The following ARHGAP6 variants were observed in gnomAD, a reference collection of about 807,000 sequenced individuals.
ARHGAP6 encodes the protein Rho GTPase activating protein 6.
A neutral mutation model predicts 55.7 loss-of-function variants in ARHGAP6; 16 were observed. The observed-to-expected ratio is 0.29, with a 90% CI of 0.19 to 0.44. The LOEUF (loss-of-function observed/expected upper bound fraction) is 0.44. Ranked by LOEUF, ARHGAP6 falls within the 20% of genes least tolerant of loss-of-function variation. The pLI is 1.00. For synonymous variants in ARHGAP6, 382 were observed against 360.9 expected (o/e 1.06, Z -0.66); for missense variants, 698 against 808.9 (o/e 0.86, Z 1.66).
Position 11,430,988 on chromosome X carries a change from G to A in ARHGAP6, c.589-176281C>T, listed in dbSNP as rs747047731. On this transcript the variant is annotated intron_variant, in intron 1 of 12. Coordinates refer to ENST00000337414, the MANE Select transcript of ARHGAP6 (RefSeq NM_013427.3). ...GGTATTGTTCTAGGTCAACTAAACT[G>A]TATATTGACATGGCATGTGGTTTTA... 1.1e-4 allele frequency among the ~76,000 whole-genome samples: 12 copies of A among 111,995 alleles called. No individual in the cohort carries two copies. In the South Asian group the frequency reaches 2.2e-3, roughly 21 times the overall value.
chrX:11,236,511 A>G lies in ARHGAP6; in HGVS notation c.748+18037T>C, dbSNP rs758980752. ...TGCCTATTTCAGGGATGTGACAGTA[A>G]GAGCCAGATACATGAACTGGCATGC... On this transcript the variant is annotated intron_variant, in intron 2 of 12. Coordinates refer to ENST00000337414, the MANE Select transcript of ARHGAP6 (RefSeq NM_013427.3). Among the ~76,000 whole-genome samples the G allele has an allele frequency of 1.4e-4, 16 of 111,933 alleles. No individual in the cohort carries two copies. In the South Asian group the frequency reaches 5.7e-3, roughly 40 times the overall value.
intron 2 of ARHGAP6, among the ~76,000 whole-genome samples, chrX:11,216,811 C>T (rs1044559609): frequency 2.7e-5 from 3 of 111,029 alleles, no homozygotes; most frequent in African/African-American, 9.9e-5. Flanking sequence ...TGGTTTGCTG[C>T]ACCCATCAAC....
At chrX:11,377,423 C>T (rs1400889314) in intron 1 of ARHGAP6, among the ~76,000 whole-genome samples, 1 of 111,742 alleles carries the variant, frequency 8.9e-6, no homozygotes, top group African/African-American at 3.3e-5. Flanking sequence ...TAGGGTGTGA[C>T]TGCTAATGGG....
At chrX:11,296,019 C>CT (rs1603033202) in intron 1 of ARHGAP6, among the ~76,000 whole-genome samples, 1 of 111,578 alleles carries the variant, frequency 9.0e-6, no homozygotes, top group Admixed American at 9.5e-5. Flanking sequence ...TTCAGGTGGC[C>CT]TTTTATTTTT....
chrX:11,573,061 G>A (rs1478996017), intron 1 of ARHGAP6, among the ~76,000 whole-genome samples: 1 of 111,570 alleles, frequency 9.0e-6, no homozygotes, highest in Non-Finnish European at 1.9e-5. Context: ...ATTTGTTTGA[G>A]TTCATTGTAG....
intron 12 of ARHGAP6, among the ~76,000 whole-genome samples, chrX:11,141,754 C>A (rs188155993): frequency 8.9e-6 from 1 of 112,259 alleles, no homozygotes; most frequent in African/African-American, 3.2e-5. Flanking sequence ...ATATTTGACG[C>A]ACTTCCCTGT....
At chrX:11,252,240 A>G (rs2047433306) in intron 2 of ARHGAP6, among the ~76,000 whole-genome samples, 1 of 112,942 alleles carries the variant, frequency 8.9e-6, no homozygotes, top group Admixed American at 9.3e-5. Context: ...GTTCCCTGAT[A>G]TCTTATCTGA....
chrX:11,450,203 A>AGTGTGTGTGT lies in ARHGAP6; in HGVS notation c.589-195506_589-195497dup, dbSNP rs34050296. 8.8e-3 allele frequency among the ~76,000 whole-genome samples: 795 copies of AGTGTGTGTGT among 90,165 alleles called. 22 individuals carry two copies. The highest frequency in any genetic ancestry group is 0.03 in the African/African-American group (736 of 24,666). 78.3% of individuals were successfully genotyped at this position (90,165 alleles called of 115,157 possible). On this transcript the variant is annotated intron_variant, in intron 1 of 12. Transcript: ENST00000337414. ...AATCCCCTTTGTAGAACAAATAATA[A>AGTGTGTGTGT]GTGTGTGTGTGTGTGTGTGTGTGTG... is the stretch of plus-strand genomic sequence containing the variant.
At chrX:11,395,658 C>T (rs181683322) in intron 1 of ARHGAP6, among the ~76,000 whole-genome samples, 2 of 111,957 alleles carry the variant, frequency 1.8e-5, no homozygotes, top group Admixed American at 1.9e-4. Flanking sequence ...AAGACAGGCC[C>T]GGGGCACAGG....
chrX:11,589,396 T>C (rs769051909), intron 1 of ARHGAP6, among the ~76,000 whole-genome samples: 1 of 107,212 alleles, frequency 9.3e-6, no homozygotes, highest in African/African-American at 3.4e-5. Flanking sequence ...TGAAGAACTT[T>C]TATAAATCAA....
chrX:11,442,557 G>A (rs1188512879), intron 1 of ARHGAP6, among the ~76,000 whole-genome samples: 1 of 111,569 alleles, frequency 9.0e-6, no homozygotes, highest in East Asian at 2.8e-4. Context: ...CAGAAACGGG[G>A]GAAAAAATCC....
chrX:11,623,690 C>T (rs2052258453), intron 1 of ARHGAP6, among the ~76,000 whole-genome samples: 2 of 72,731 alleles, frequency 2.7e-5, no homozygotes, highest in South Asian at 7.8e-4. Flanking sequence ...GAGTGAGACT[C>T]GGTCTCAAAA....
At chrX:11,614,850 T>C (rs1041341344) in intron 1 of ARHGAP6, among the ~76,000 whole-genome samples, 4 of 110,548 alleles carry the variant, frequency 3.6e-5, no homozygotes, top group African/African-American at 9.9e-5. Flanking sequence ...AACAGATAAA[T>C]AGGATATCTG....
intron 1 of ARHGAP6, among the ~76,000 whole-genome samples, chrX:11,589,042 G>T (rs1188778076): frequency 1.1e-5 from 1 of 93,776 alleles, no homozygotes; most frequent in African/African-American, 4.4e-5. Flanking sequence ...TGCTGCATTG[G>T]AATTTTTTTT....
At chrX:11,422,483 T>C (rs1475330690) in intron 1 of ARHGAP6, among the ~76,000 whole-genome samples, 1 of 111,764 alleles carries the variant, frequency 8.9e-6, no homozygotes, top group Non-Finnish European at 1.9e-5. Context: ...CTAAGTGGAA[T>C]GGAAACCAAC....
intron 1 of ARHGAP6, among the ~76,000 whole-genome samples, chrX:11,628,231 C>T (rs1294142930): frequency 2.7e-5 from 3 of 111,982 alleles, no homozygotes; most frequent in Non-Finnish European, 5.7e-5. Context: ...AAATGGTTGA[C>T]ATAGAGGAAA....
intron 1 of ARHGAP6, chrX:11,427,499 G>A (rs943444932): frequency 1.1e-6 from 1 of 932,126 alleles, no homozygotes; most frequent in Non-Finnish European, 1.4e-6. Flanking sequence ...CCCACCCGGA[G>A]CGGCCCAGTG....
intron 1 of ARHGAP6, among the ~76,000 whole-genome samples, chrX:11,476,956 G>C (rs1028059888): frequency 3.6e-5 from 4 of 110,719 alleles, no homozygotes; most frequent in Non-Finnish European, 5.7e-5. Context: ...AAGAACAGAT[G>C]AAAATATTAA....
chrX:11,264,751 C>T (rs897698160), intron 1 of ARHGAP6, among the ~76,000 whole-genome samples: 4 of 111,845 alleles, frequency 3.6e-5, no homozygotes, highest in African/African-American at 6.5e-5. Context: ...GAACGACCTC[C>T]GGAGATAGAT....
Sources: allele counts gnomAD v4.1 joint callset (sites outside exome capture counted in the v4.1 genomes callset), GRCh38; gene constraint gnomAD v4.1.1; transcripts MANE v1.5; gene names NCBI Gene and HGNC (gene_info 2026-07-23, HGNC 2026-07-21).